The following ERCC4 variants were observed in gnomAD, a reference collection of about 807,000 sequenced individuals.
The protein encoded by ERCC4 is DNA repair endonuclease XPF.
ERCC4 carries 65 observed loss-of-function variants against 76.9 expected under a neutral mutation model. The ratio of observed to expected loss-of-function variants is 0.84; its 90% CI spans 0.69 to 1.04. ERCC4 has a LOEUF of 1.04. ERCC4 is among the 50% of genes least tolerant of loss of function. The pLI is 0.00. For missense variants in ERCC4, 1,214 were observed against 1,128.2 expected (o/e 1.08, Z -1.09); for synonymous variants, 463 against 410.1 (o/e 1.13, Z -1.56).
intron 5 of ERCC4, chr16:13,931,274 A>G: frequency 4.3e-6 from 1 of 232,460 alleles, no homozygotes; most frequent in Non-Finnish European, 8.5e-6. Context: ...AGTGCCAAAG[A>G]CTGAAGAGCA....
rs1015590431 is a variant in ERCC4, at chr16:13,948,872, G to C, written c.*525G>C. Reference sequence around the variant, plus strand: ...CTGCTGGACGCTTGAACTGATGTTTGTGTAGGAAATCATGTTCTGACCCTT... The same window carrying C: ...CTGCTGGACGCTTGAACTGATGTTTCTGTAGGAAATCATGTTCTGACCCTT... On this transcript the variant is annotated 3_prime_UTR_variant, in exon 11 of 11. Coordinates refer to ENST00000311895, the MANE Select transcript of ERCC4 (RefSeq NM_005236.3). The C allele has an allele frequency of 8.6e-6, 2 of 232,464 alleles. No homozygotes were observed. Among genetic ancestry groups the C allele is most frequent in the Admixed American group, 5.6e-5 (1 of 17,762 alleles). 14.4% of individuals were successfully genotyped at this position (232,464 alleles called of 1,614,324 possible).
rs969423914 is a variant in ERCC4 at position 13,950,161 on chromosome 16, A to G, written c.*1814A>G. 4.9e-5 allele frequency: 9 copies of G among 184,204 alleles called. No individual in the cohort carries two copies. Among genetic ancestry groups the G allele is most frequent in the East Asian group, 4.5e-4 (5 of 11,220 alleles). 11.4% of individuals were successfully genotyped at this position (184,204 alleles called of 1,614,324 possible). The stretch of plus-strand genomic sequence containing the variant: ...TTTTTAGTAGAGACGGGGTTTCACC[A>G]TGTTGGCCAGGCTGGTCTCAAACTA... On this transcript the variant is annotated 3_prime_UTR_variant, in exon 11 of 11. Coordinates refer to ENST00000311895, the MANE Select transcript of ERCC4 (RefSeq NM_005236.3).
chr16:13,934,112 A>G (rs2032236156), intron 6 of ERCC4, 80 bp from the exon 7 acceptor site: 1 of 852,526 alleles, frequency 1.2e-6, no homozygotes, highest in Non-Finnish European at 2.0e-6. Context: ...TGCTCGTGTT[A>G]TCTGTTGTTT....
Position 13,934,160 on chromosome 16 carries a change from A to C in ERCC4, c.1103-32A>C, listed in dbSNP as rs780588112. 8.0e-6 allele frequency: 11 copies of C among 1,376,448 alleles called. No individual in the cohort carries two copies. In the South Asian group the frequency reaches 1.3e-4, roughly 16 times the overall value. 85.3% of individuals were successfully genotyped at this position (1,376,448 alleles called of 1,614,324 possible). On this transcript the variant is annotated intron_variant, in intron 6 of 10. Transcript: ENST00000311895. ...GAAGACTTTATGGGTAAATATTATC[A>C]CATAGAATGAGATATTTTTATTTCT...
Position 13,948,339 on chromosome 16 carries a change from A to G in ERCC4, c.2743A>G (p.Lys915Glu), listed in dbSNP as rs1472965605. Residue 915 changes from lysine to glutamate, a missense_variant, in exon 11 of 11, where the codon AAA becomes GAA. Coordinates refer to ENST00000311895, the MANE Select transcript of ERCC4 (RefSeq NM_005236.3). ...AGAAGTCGTATCAAAAGGAAAAGGG[A>G]AAAAGTGAACAGTGATGGCTGTTTT... The part of the protein sequence containing the change: ...FAEVVSKGKG[K>E]K The G allele has an allele frequency of 1.7e-5, 27 of 1,610,394 alleles. No homozygotes were observed. Among genetic ancestry groups the G allele is most frequent in the Non-Finnish European group, 2.1e-5 (25 of 1,179,950 alleles).
In ERCC4 at chr16:13,950,604, A is replaced by G. The variant is rs1314533034; in HGVS notation, c.*2257A>G. On this transcript the variant is annotated 3_prime_UTR_variant, in exon 11 of 11. Transcript: ENST00000311895. ...AATTTTGTATTTATTGTTTTATTGAATATAGTTCAGAGTATATTAAAATAG... is the reference window on the plus strand; with the variant it reads ...AATTTTGTATTTATTGTTTTATTGAGTATAGTTCAGAGTATATTAAAATAG... 3 of 193,168 alleles carry G rather than the reference A, an allele frequency of 1.6e-5. No homozygotes were observed. The highest frequency in any genetic ancestry group is 7.0e-5 in the African/African-American group (3 of 43,118). The allele number at this position is 193,168 out of a possible 1,614,324, so 12.0% of individuals were successfully genotyped here.
intron 2 of ERCC4, among the ~76,000 whole-genome samples, chr16:13,923,156 A>G (rs992166353): frequency 6.6e-6 from 1 of 152,138 alleles, no homozygotes; most frequent in African/African-American, 2.4e-5. Flanking sequence ...ATGTCCCCAA[A>G]GCTAATGTAG....
rs2032156413 is a variant in ERCC4, at chr16:13,930,759, C to G, written c.842C>G (p.Thr281Ser). ...DPLWHQLGAK[T>S]KSLVQDLKIL... ...TTGTGGCACCAGCTTGGAGCCAAGA[C>G]TAAATCCTTAGTTCAGGATTTGAAG... The change falls in exon 5 of 11, where the codon ACT becomes AGT. Residue 281 changes from threonine (T) to serine (S), a missense_variant. Physicochemically the swap from Thr to Ser is moderately conservative, Grantham distance 58. Coordinates refer to ENST00000311895, the MANE Select transcript of ERCC4 (RefSeq NM_005236.3). The G allele has an allele frequency of 3.7e-6, 6 of 1,613,276 alleles. No homozygotes were observed. The highest frequency in any genetic ancestry group is 5.1e-6 in the Non-Finnish European group (6 of 1,179,274).
rs2032628280 is a variant in ERCC4, at chr16:13,951,434, G to T, written c.*3087G>T. 1 of 204,476 alleles carries T rather than the reference G, an allele frequency of 4.9e-6. No individual in the cohort carries two copies. The highest frequency in any genetic ancestry group is 1.0e-5 in the Non-Finnish European group (1 of 99,976). 12.7% of individuals were successfully genotyped at this position (204,476 alleles called of 1,614,324 possible). On this transcript the variant is annotated 3_prime_UTR_variant, in exon 11 of 11. Transcript: ENST00000311895. Reference sequence around the variant, plus strand: ...TTTTAAGTTTCATTTAAATCATGGTGCCTCTTTTGATACTTTCTTAAAATT... The same window carrying T: ...TTTTAAGTTTCATTTAAATCATGGTTCCTCTTTTGATACTTTCTTAAAATT...
At chr16:13,945,659 C>T (rs1268360449) in intron 10 of ERCC4, among the ~76,000 whole-genome samples, 1 of 152,170 alleles carries the variant, frequency 6.6e-6, no homozygotes, top group Non-Finnish European at 1.5e-5. Context: ...GAAATGGAGC[C>T]AGCAGCTCGG....
At position 13,924,165 on chromosome 16, in the gene ERCC4, A is replaced by C. The variant is rs138461931; in HGVS notation, c.388+1954A>C. 2.6e-3 allele frequency among the ~76,000 whole-genome samples: 402 copies of C among 152,304 alleles called. 1 individual carries two copies. Among genetic ancestry groups the C allele is most frequent in the African/African-American group, 9.4e-3 (390 of 41,568 alleles). ...GATCATCCCCCAGGACTGACCAAAG[A>C]GCAGTGCGTGAAGTGCAGGTAACCC... On this transcript the variant is annotated intron_variant, in intron 2 of 10. Coordinates refer to ENST00000311895, the MANE Select transcript of ERCC4 (RefSeq NM_005236.3).
intron 10 of ERCC4, among the ~76,000 whole-genome samples, chr16:13,946,949 A>T (rs978615147): frequency 6.6e-6 from 1 of 152,014 alleles, no homozygotes; most frequent in African/African-American, 2.4e-5. Flanking sequence ...TTTTGTAGAG[A>T]CGGGGTTTCA....
chr16:13,938,007 C>A lies in ERCC4; in HGVS notation c.1904+149C>A, dbSNP rs983214171. On this transcript the variant is annotated intron_variant, in intron 9 of 10. Transcript: ENST00000311895. ...ATAAACCTGTGGTCTGAATTGTCCT[C>A]CAGTGTAGATCTCAGCACATACTTC... 1.2e-5 allele frequency: 8 copies of A among 662,260 alleles called. No homozygotes were observed. The African/African-American group carries it at 1.3e-4, about 10-fold the overall frequency. 41.0% of individuals were successfully genotyped at this position (662,260 alleles called of 1,614,324 possible).
chr16:13,935,381 A>G lies in ERCC4; in HGVS notation c.1449A>G (p.Arg483=), dbSNP rs1177780470. ...QNKERASTKE[R]TLKKKKRKLT... ...AAGAACGGGCTTCTACCAAAGAAAGAACCCTCAAAAAGAAAAAACGGAAGT... is the reference window on the plus strand; with the variant it reads ...AAGAACGGGCTTCTACCAAAGAAAGGACCCTCAAAAAGAAAAAACGGAAGT... The change falls in exon 8 of 11, where the codon AGA becomes AGG. Residue 483 remains arginine, a synonymous_variant. Coordinates refer to ENST00000311895, the MANE Select transcript of ERCC4 (RefSeq NM_005236.3). The G allele has an allele frequency of 1.9e-6, 3 of 1,607,820 alleles. No individual in the cohort carries two copies. Among genetic ancestry groups the G allele is most frequent in the Non-Finnish European group, 2.5e-6 (3 of 1,178,428 alleles).
chr16:13,948,203 C>T lies in ERCC4; in HGVS notation c.2607C>T (p.His869=), dbSNP rs769736716. The T allele has an allele frequency of 1.1e-5, 17 of 1,614,044 alleles. No homozygotes were observed. The highest frequency in any genetic ancestry group is 2.2e-5 in the East Asian group (1 of 44,882). ...AAAACTGCCGCTCCTTGATGCACCA[C>T]GTTAAGAACATCGCAGAATTAGCAG... ...NAKNCRSLMH[H]VKNIAELAAL... The change falls in exon 11 of 11, where the codon CAC becomes CAT. Residue 869 remains histidine (H), a synonymous_variant. Transcript: ENST00000311895.
At position 13,932,241 on chromosome 16, in the gene ERCC4, A is replaced by T. The variant is rs569926448; in HGVS notation, c.1058A>T (p.Lys353Ile). 3 of 1,611,678 alleles carry T rather than the reference A, an allele frequency of 1.9e-6. No individual in the cohort carries two copies. The Admixed American group carries it at 5.0e-5, about 27-fold the overall frequency. ...VYHLPDAKMS[K>I]KEKISEKMEI... Reference sequence around the variant, plus strand: ...CATCTTCCAGATGCCAAAATGAGTAAAAAAGAAAAAATATCTGAAAAAATG... The same window carrying T: ...CATCTTCCAGATGCCAAAATGAGTATAAAAGAAAAAATATCTGAAAAAATG... Residue 353 changes from lysine to isoleucine, a missense_variant, in exon 6 of 11, where the codon AAA becomes ATA. Transcript: ENST00000311895.
intron 8 of ERCC4, among the ~76,000 whole-genome samples, chr16:13,936,414 TG>T (rs1285374297): frequency 6.6e-6 from 1 of 152,148 alleles, no homozygotes; most frequent in Admixed American, 6.5e-5. Context: ...AGAGTAGAGA[TG>T]AATGGAGGAG....
rs1799801 is a variant in ERCC4, at chr16:13,948,101, T to C, written c.2505T>C (p.Ser835=). The change falls in exon 11 of 11, where the codon TCT becomes TCC. Residue 835 remains serine (S), a synonymous_variant. Coordinates refer to ENST00000311895, the MANE Select transcript of ERCC4 (RefSeq NM_005236.3). ...CAGCACTGGCCATTACAGCAGATTC[T>C]GAAACCCTTCCCGAGTCAGAGAAGT... ...AATALAITAD[S]ETLPESEKYN... The C allele has an allele frequency of 0.28, 457,614 of 1,613,896 alleles. 66,188 individuals are homozygous for C. Among genetic ancestry groups the C allele is most frequent in the Middle Eastern group, 0.37 (2,259 of 6,062 alleles).
At chr16:13,941,300 T>A (rs1483685127) in intron 9 of ERCC4, among the ~76,000 whole-genome samples, 1 of 152,236 alleles carries the variant, frequency 6.6e-6, no homozygotes, top group East Asian at 1.9e-4. Flanking sequence ...ATAAATAAGA[T>A]CTTCCCATTT....
Sources: gnomAD v4.1 joint callset for allele counts (sites outside exome capture counted in the v4.1 genomes callset) on GRCh38, gnomAD v4.1.1 for gene constraint, MANE v1.5 for transcripts, NCBI Gene and HGNC (gene_info 2026-07-23, HGNC 2026-07-21) for gene names.